The following LSMEM1 variants were observed in gnomAD, a reference collection of about 807,000 sequenced individuals.
LSMEM1 encodes the protein leucine rich single-pass membrane protein 1, also known as leucine-rich single-pass membrane protein 1.
In LSMEM1, 10 loss-of-function variants were observed where a neutral mutation model predicts 11.3. The observed-to-expected ratio is 0.89, with a 90% CI of 0.55 to 1.50. LSMEM1 has a LOEUF of 1.50. LSMEM1 is among the 40% of genes most tolerant of loss of function. The pLI is 0.00. For synonymous variants in LSMEM1, 65 were observed against 59.3 expected (o/e 1.10, Z -0.44); for missense variants, 151 against 152.9 (o/e 0.99, Z 0.06).
chr7:112,486,872 A>G, intron 2 of LSMEM1, 51 bp from the exon 3 acceptor site: 1 of 1,610,102 alleles, frequency 6.2e-7, no homozygotes, highest in Admixed American at 1.7e-5. Flanking sequence ...TCTGCTGACA[A>G]GTTGTATGCT....
intron 3 of LSMEM1, among the ~76,000 whole-genome samples, chr7:112,487,685 C>G (rs993846937): frequency 1.3e-5 from 2 of 152,246 alleles, no homozygotes; most frequent in Non-Finnish European, 2.9e-5. Context: ...TCAAGAGATC[C>G]TTCAAGCCTT....
At chr7:112,483,776 C>T (rs1047579311) in intron 1 of LSMEM1, among the ~76,000 whole-genome samples, 3 of 152,188 alleles carry the variant, frequency 2.0e-5, no homozygotes, top group African/African-American at 4.8e-5. Flanking sequence ...GCATTTACCT[C>T]GCCGAGCTTC....
intron 3 of LSMEM1, among the ~76,000 whole-genome samples, chr7:112,489,523 C>T (rs1180799390): frequency 2.6e-5 from 4 of 152,238 alleles, no homozygotes; most frequent in African/African-American, 9.6e-5. Context: ...AACATGCTGA[C>T]AGCTTCCTTT....
intron 1 of LSMEM1, among the ~76,000 whole-genome samples, chr7:112,482,526 A>G (rs1277800135): frequency 6.6e-6 from 1 of 152,248 alleles, no homozygotes; most frequent in South Asian, 2.1e-4. Flanking sequence ...CCTAAAATAG[A>G]AGCTGTGTGC....
At chr7:112,488,256 G>C (rs1399261851) in intron 3 of LSMEM1, among the ~76,000 whole-genome samples, 2 of 152,138 alleles carry the variant, frequency 1.3e-5, no homozygotes, top group East Asian at 3.9e-4. Context: ...GATGAATTAG[G>C]GGAGGCTTGG....
rs975235661 is a variant in LSMEM1, at chr7:112,481,178, G to A, written c.-174G>A. 3 of 212,426 alleles carry A rather than the reference G, an allele frequency of 1.4e-5. No individual in the cohort carries two copies. Among genetic ancestry groups the A allele is most frequent in the Non-Finnish European group, 2.9e-5 (3 of 104,582 alleles). The allele number at this position is 212,426 out of a possible 1,614,324, so 13.2% of individuals were successfully genotyped here. ...AATATAGACCAACAGTTTCATCCTGGGGCTTATGGGTCTCATAGGAGCACC... is the reference window on the plus strand; with the variant it reads ...AATATAGACCAACAGTTTCATCCTGAGGCTTATGGGTCTCATAGGAGCACC... On this transcript the variant is annotated 5_prime_UTR_variant, in exon 1 of 4. Coordinates refer to ENST00000312849, the MANE Select transcript of LSMEM1 (RefSeq NM_182597.3).
At position 112,486,975 on chromosome 7, in the gene LSMEM1, G is replaced by T. The variant is rs1334689128; in HGVS notation, c.180G>T (p.Arg60=). 1 of 1,614,146 alleles carries T rather than the reference G, an allele frequency of 6.2e-7. No homozygotes were observed. The highest frequency in any genetic ancestry group is 2.2e-5 in the East Asian group (1 of 44,886). ...GCACAAACTCAGGAAATGGAAGCCG[G>T]AGTCTGTTTTTTGTGGGGCTGCTAA... ...VLGTNSGNGS[R]SLFFVGLLIV... The change falls in exon 3 of 4, where the codon CGG becomes CGT. Residue 60 remains arginine (R), a synonymous_variant. Coordinates refer to ENST00000312849, the MANE Select transcript of LSMEM1 (RefSeq NM_182597.3).
chr7:112,486,268 G>T, intron 2 of LSMEM1: 1 of 357,232 alleles, frequency 2.8e-6, no homozygotes, highest in Non-Finnish European at 5.8e-6. Context: ...TTTGGGAAAG[G>T]GTAATAGAAC....
At chr7:112,483,068 T>G (rs902884925) in intron 1 of LSMEM1, among the ~76,000 whole-genome samples, 2 of 152,168 alleles carry the variant, frequency 1.3e-5, no homozygotes, top group African/African-American at 4.8e-5. Context: ...TTTAATATTT[T>G]AGACTAAGTT....
chr7:112,482,018 G>C (rs1030472709), intron 1 of LSMEM1, among the ~76,000 whole-genome samples: 1 of 152,312 alleles, frequency 6.6e-6, no homozygotes, highest in East Asian at 1.9e-4. Flanking sequence ...TCAAACAGCC[G>C]TGGGGCCTGG....
intron 1 of LSMEM1, among the ~76,000 whole-genome samples, chr7:112,483,180 T>C (rs1796063427): frequency 6.6e-6 from 1 of 152,024 alleles, no homozygotes; most frequent in African/African-American, 2.4e-5. Context: ...AACTCTATAT[T>C]GCTCTTCATT....
intron 1 of LSMEM1, among the ~76,000 whole-genome samples, 197 bp downstream of exon 1, chr7:112,481,543 A>G (rs150039552): frequency 2.2e-4 from 34 of 152,368 alleles, no homozygotes; most frequent in Admixed American, 5.9e-4. Context: ...GACTCATTCA[A>G]TAACACTGCT....
chr7:112,484,127 C>T (rs1252013036), intron 1 of LSMEM1, among the ~76,000 whole-genome samples: 1 of 152,182 alleles, frequency 6.6e-6, no homozygotes. Context: ...TGGAAGAGAT[C>T]TCAGAGGTCC....
intron 3 of LSMEM1, among the ~76,000 whole-genome samples, chr7:112,488,380 G>A (rs113902861): frequency 2.0e-5 from 3 of 152,082 alleles, no homozygotes; most frequent in Non-Finnish European, 2.9e-5. Context: ...GGGTAATGAC[G>A]GAGTTAAACT....
At chr7:112,486,769 CTG>C in intron 2 of LSMEM1, 152 bp from the exon 3 acceptor site, 1 of 1,044,514 alleles carries the variant, frequency 9.6e-7, no homozygotes, top group South Asian at 1.7e-5. Flanking sequence ...GAGCAAGACT[CTG>C]TCTCAAAAAA....
intron 2 of LSMEM1, among the ~76,000 whole-genome samples, chr7:112,485,290 C>T (rs1796107827): frequency 6.6e-6 from 1 of 152,050 alleles, no homozygotes; most frequent in Non-Finnish European, 1.5e-5. Context: ...CGATGGGGAC[C>T]ACTTCCCACA....
chr7:112,482,619 G>T (rs1796052347), intron 1 of LSMEM1, among the ~76,000 whole-genome samples: 1 of 151,974 alleles, frequency 6.6e-6, no homozygotes, highest in Non-Finnish European at 1.5e-5. Context: ...AGTATAAATG[G>T]ATGATAAAAT....
At chr7:112,480,462 G>A (rs1264920919), upstream of LSMEM1, among the ~76,000 whole-genome samples, 1 of 152,208 alleles carries the variant, frequency 6.6e-6, no homozygotes, top group African/African-American at 2.4e-5. Context: ...ATGGAAGTGA[G>A]GATGATAAAG....
Position 112,486,953 on chromosome 7 carries a change from CA to C in LSMEM1, c.161del (p.Asn54ThrfsTer15). 1 of 1,614,124 alleles carries C rather than the reference CA, an allele frequency of 6.2e-7. No individual in the cohort carries two copies. ...PLEDKIPVLG[T>X]NSGNGSRSLF... ...GAGGACAAAATCCCAGTCCTTGGCA[CA>C]AACTCAGGAAATGGAAGCCGGAGTC... is the stretch of plus-strand genomic sequence containing the variant. On this transcript the variant is annotated frameshift_variant, in exon 3 of 4. Coordinates refer to ENST00000312849, the MANE Select transcript of LSMEM1 (RefSeq NM_182597.3). LOFTEE classifies it high-confidence loss of function.
Sources: gnomAD v4.1 joint callset for allele counts (sites outside exome capture counted in the v4.1 genomes callset) on GRCh38, gnomAD v4.1.1 for gene constraint, MANE v1.5 for transcripts, NCBI Gene and HGNC (gene_info 2026-07-23, HGNC 2026-07-21) for gene names.